EIF3K: variants seen among roughly 807,000 people sequenced by gnomAD.
The protein encoded by EIF3K is eukaryotic translation initiation factor 3 subunit K, also known as eIF-3 p28.
A neutral mutation model predicts 34.2 loss-of-function variants in EIF3K; 27 were observed. The ratio of observed to expected loss-of-function variants is 0.79; its 90% CI spans 0.58 to 1.09. The LOEUF (loss-of-function observed/expected upper bound fraction) is 1.09. Ranked by LOEUF, EIF3K falls within the 50% of genes least tolerant of loss-of-function variation. The probability of loss-of-function intolerance (pLI) is 0.00; values close to 1 mark genes in which losing one functional copy is unlikely to be tolerated. For synonymous variants in EIF3K, 105 were observed against 105.7 expected, an observed-to-expected ratio of 0.99 and a Z score of 0.04; for missense variants, 232 against 275.4, an observed-to-expected ratio of 0.84 and a Z score of 1.11.
rs151092468 is a variant in EIF3K, at chr19:38,630,033, T to A, written c.355-2397T>A. On this transcript the variant is annotated intron_variant, in intron 4 of 7. Transcript: ENST00000248342. ...CCAGGTTCAAGCCTCACCTCCAGGA[T>A]TTTTGGAAAATCATGTAGCTGCCCT... is the stretch of plus-strand genomic sequence containing the variant. Among the ~76,000 whole-genome samples the A allele has an allele frequency of 8.5e-5, 13 of 152,296 alleles. No homozygotes were observed. The East Asian group carries it at 2.5e-3, about 29-fold the overall frequency.
intron 6 of EIF3K, among the ~76,000 whole-genome samples, chr19:38,634,574 A>G (rs1240082615): frequency 2.0e-5 from 3 of 151,684 alleles, no homozygotes; most frequent in Non-Finnish European, 4.4e-5. Flanking sequence ...CTCCAGCCTG[A>G]GCAACAAGAG....
chr19:38,626,016 T>C lies in EIF3K; in HGVS notation c.280-12T>C. On this transcript the variant is annotated splice_polypyrimidine_tract_variant and intron_variant, in intron 3 of 7. Transcript: ENST00000248342. ...TCCGAGGCCAGTTTTCCTTAATGCT[T>C]CCTCCTCCCAGCAAGAAGAACGGCC... The C allele has an allele frequency of 6.2e-7, 1 of 1,613,934 alleles. No homozygotes were observed. Among genetic ancestry groups the C allele is most frequent in the Non-Finnish European group, 8.5e-7 (1 of 1,179,932 alleles).
At chr19:38,625,956 G>C in intron 3 of EIF3K, 72 bp from the exon 4 acceptor site, 4 of 1,379,088 alleles carry the variant, frequency 2.9e-6, no homozygotes, top group Non-Finnish European at 4.1e-6. Flanking sequence ...GAAGAAGGTA[G>C]GTGGGGAGGG....
At chr19:38,631,980 C>T in intron 4 of EIF3K, 1 of 189,634 alleles carries the variant, frequency 5.3e-6, no homozygotes, top group Non-Finnish European at 1.1e-5. Context: ...TACAGATTAA[C>T]AGCATCTCAA....
At chr19:38,636,610 G>A (rs531685258) in intron 7 of EIF3K, among the ~76,000 whole-genome samples, 14 of 152,266 alleles carry the variant, frequency 9.2e-5, no homozygotes, top group African/African-American at 3.1e-4. Context: ...TATAAGGTAG[G>A]TGCTTCTTAA....
chr19:38,620,526 C>A (rs1975816790), intron 2 of EIF3K, 91 bp downstream of exon 2: 2 of 1,051,032 alleles, frequency 1.9e-6, no homozygotes, highest in South Asian at 1.3e-5. Context: ...TGGTAGTATC[C>A]TGAACAATGC....
At chr19:38,623,789 G>T (rs1322577118) in intron 2 of EIF3K, among the ~76,000 whole-genome samples, 1 of 152,164 alleles carries the variant, frequency 6.6e-6, no homozygotes, top group African/African-American at 2.4e-5. Flanking sequence ...TCTGGCTCTG[G>T]TTCCTTAGCC....
chr19:38,635,126 G>C lies in EIF3K; in HGVS notation c.625+8G>C. ...AGAAGATTGACTTTGACAGTGAGTGGTGACCCACGGCCTCGGGCTTTGGGG... is the reference window on the plus strand; with the variant it reads ...AGAAGATTGACTTTGACAGTGAGTGCTGACCCACGGCCTCGGGCTTTGGGG... On this transcript the variant is annotated splice_region_variant and intron_variant, in intron 7 of 7. Coordinates refer to ENST00000248342, the MANE Select transcript of EIF3K (RefSeq NM_013234.4). 6.2e-7 allele frequency: 1 copy of C among 1,614,170 alleles called. No homozygotes were observed. Among genetic ancestry groups the C allele is most frequent in the Non-Finnish European group, 8.5e-7 (1 of 1,180,044 alleles).
chr19:38,620,651 T>C (rs777157472), intron 2 of EIF3K, among the ~76,000 whole-genome samples: 1 of 152,068 alleles, frequency 6.6e-6, no homozygotes, highest in Non-Finnish European at 1.5e-5. Context: ...CCCAGCACTT[T>C]GGGAGGATGA....
intron 4 of EIF3K, 198 bp downstream of exon 4, chr19:38,626,300 C>T (rs904016525): frequency 1.2e-5 from 7 of 604,478 alleles, no homozygotes; most frequent in Admixed American, 2.8e-5. Context: ...AGGCTGAGGC[C>T]GACCCTTTCC....
intron 3 of EIF3K, among the ~76,000 whole-genome samples, chr19:38,625,544 C>G (rs549571428): frequency 6.9e-6 from 1 of 145,122 alleles, no homozygotes; most frequent in Non-Finnish European, 1.5e-5. Flanking sequence ...GAGTCTTGCT[C>G]TGTCATCCAG....
intron 4 of EIF3K, among the ~76,000 whole-genome samples, chr19:38,630,129 T>C (rs2144775530): frequency 6.6e-6 from 1 of 151,064 alleles, no homozygotes; most frequent in African/African-American, 2.4e-5. Context: ...CTATAGCATG[T>C]GGGGTCAGTG....
At chr19:38,633,245 C>T (rs1445005230) in intron 6 of EIF3K, among the ~76,000 whole-genome samples, 1 of 152,068 alleles carries the variant, frequency 6.6e-6, no homozygotes, top group Non-Finnish European at 1.5e-5. Flanking sequence ...TCGGGAGGAC[C>T]TTGTCCTTTC....
Position 38,632,471 on chromosome 19 carries a change from T to A in EIF3K, c.396T>A (p.Thr132=). The change falls in exon 5 of 8, where the codon ACT becomes ACA. Residue 132 remains threonine (T), a synonymous_variant. Transcript: ENST00000248342. ...DENMDLLEGI[T]GFEDSVRKFI... ...ACATGGACCTCTTGGAAGGTATAAC[T>A]GGCTTTGAAGACTCTGTCCGAAAGT... 4 of 1,614,228 alleles carry A rather than the reference T, an allele frequency of 2.5e-6. No individual in the cohort carries two copies. The highest frequency in any genetic ancestry group is 3.4e-6 in the Non-Finnish European group (4 of 1,180,024).
intron 4 of EIF3K, 90 bp downstream of exon 4, chr19:38,626,192 T>TGG: frequency 7.9e-7 from 1 of 1,267,522 alleles, no homozygotes; most frequent in Non-Finnish European, 1.1e-6. Flanking sequence ...CTGACTGGCT[T>TGG]CCTGCTTTGG....
chr19:38,629,925 T>G (rs1197781135), intron 4 of EIF3K, among the ~76,000 whole-genome samples: 1 of 152,134 alleles, frequency 6.6e-6, no homozygotes, highest in East Asian at 1.9e-4. Flanking sequence ...TTTCTCTGAG[T>G]GAGACAGAAG....
chr19:38,630,343 A>ATT (rs200889380), intron 4 of EIF3K, among the ~76,000 whole-genome samples: 46 of 131,760 alleles, frequency 3.5e-4, no homozygotes, highest in South Asian at 1.5e-3. Context: ...TTATTTATTT[A>ATT]TTTATTTTTT....
intron 4 of EIF3K, among the ~76,000 whole-genome samples, chr19:38,629,350 A>G (rs577563783): frequency 6.6e-6 from 1 of 152,252 alleles, no homozygotes; most frequent in South Asian, 2.1e-4. Context: ...GCCGCAGTGC[A>G]GTGATGCAAA....
In EIF3K at chr19:38,622,041, G is replaced by T. The variant is rs535760225; in HGVS notation, c.158+1606G>T. Among the ~76,000 whole-genome samples, 10 of 151,316 alleles carry T rather than the reference G, an allele frequency of 6.6e-5. No individual in the cohort carries two copies. In the East Asian group the frequency reaches 1.9e-3, roughly 29 times the overall value. ...CCGCCTCAGCCTCCTGAATAGCTGG[G>T]ACTACAGGCATGCACCACCATGCCC... is the stretch of plus-strand genomic sequence containing the variant. On this transcript the variant is annotated intron_variant, in intron 2 of 7. Coordinates refer to ENST00000248342, the MANE Select transcript of EIF3K (RefSeq NM_013234.4).
Sources: allele counts gnomAD v4.1 joint callset (sites outside exome capture counted in the v4.1 genomes callset), GRCh38; gene constraint gnomAD v4.1.1; transcripts MANE v1.5; gene names NCBI Gene and HGNC (gene_info 2026-07-23, HGNC 2026-07-21).